GLI2: variants seen among roughly 807,000 people sequenced by gnomAD.
GLI2 encodes transcription activator GLI2.
GLI2 carries 22 observed loss-of-function variants against 78.9 expected under a neutral mutation model. That is an observed-to-expected ratio of 0.28 (90% CI 0.20 to 0.40). The LOEUF (loss-of-function observed/expected upper bound fraction) is 0.40, where lower values mean the gene tolerates loss of function less well. Among genes scored for constraint, GLI2 ranks in the 10% least tolerant of loss-of-function variants. GLI2 has a pLI of 1.00. For synonymous variants in GLI2, 974 were observed against 963.7 expected (o/e 1.01, Z -0.20); for missense variants, 2,097 against 2,213.2 (o/e 0.95, Z 1.05).
rs1325113064 is a variant in GLI2 at position 120,834,915 on chromosome 2, C to CAGA, written c.148+37447_148+37448insAGA. 2.5e-4 allele frequency among the ~76,000 whole-genome samples: 38 copies of CAGA among 152,208 alleles called. 1 individual carries two copies. The East Asian group carries it at 5.8e-3, about 23-fold the overall frequency. On this transcript the variant is annotated intron_variant, in intron 2 of 13. Coordinates refer to ENST00000361492, the MANE Select transcript of GLI2 (RefSeq NM_001374353.1). ...TGTGGCATTTCAGGGGCTCTGCACC[C>CAGA]CATGTTCTCTGGGCTAAACCCACAT...
At chr2:120,912,531 G>A (rs715092) in intron 2 of GLI2, among the ~76,000 whole-genome samples, 38,396 of 151,970 alleles carry the variant, frequency 0.25, 5,058 homozygotes, top group South Asian at 0.45. Flanking sequence ...GTTTCCATGC[G>A]CCACAGTGGT....
intron 3 of GLI2, among the ~76,000 whole-genome samples, chr2:120,932,175 TTC>T (rs1167285535): frequency 2.0e-5 from 3 of 152,222 alleles, no homozygotes; most frequent in African/African-American, 7.2e-5. Flanking sequence ...TGTAGCTCGC[TTC>T]TCCCTGCCAG....
intron 1 of GLI2, among the ~76,000 whole-genome samples, chr2:120,781,744 G>C (rs889343303): frequency 7.9e-5 from 12 of 152,130 alleles, no homozygotes; most frequent in African/African-American, 2.9e-4. Flanking sequence ...TTAGCTGAGT[G>C]TGGTGGTGCA....
At chr2:120,830,501 T>C (rs1464555588) in intron 2 of GLI2, among the ~76,000 whole-genome samples, 1 of 152,222 alleles carries the variant, frequency 6.6e-6, no homozygotes, top group Non-Finnish European at 1.5e-5. Flanking sequence ...CACACAGACA[T>C]ACACGGATGC....
chr2:120,937,549 C>T (rs10198344), intron 3 of GLI2, among the ~76,000 whole-genome samples: 5,360 of 152,234 alleles, frequency 0.035, 115 homozygotes, highest in Middle Eastern at 0.065. Flanking sequence ...CGCTTATCAG[C>T]GGGGACGCAT....
At chr2:120,912,279 T>C (rs1678861816) in intron 2 of GLI2, among the ~76,000 whole-genome samples, 1 of 151,950 alleles carries the variant, frequency 6.6e-6, no homozygotes, top group Non-Finnish European at 1.5e-5. Context: ...AAGAGGTTTT[T>C]TTTTTTTTTT....
At chr2:120,896,696 TAC>T (rs70954513) in intron 2 of GLI2, among the ~76,000 whole-genome samples, 9,600 of 128,516 alleles carry the variant, frequency 0.075, 355 homozygotes, top group Non-Finnish European at 0.093. Flanking sequence ...CACACACCCA[TAC>T]ACACACACAC....
At chr2:120,941,707 G>A (rs76089418) in intron 3 of GLI2, among the ~76,000 whole-genome samples, 3,823 of 152,334 alleles carry the variant, frequency 0.025, 174 homozygotes, top group African/African-American at 0.088. Flanking sequence ...CAGCAAAAAG[G>A]TCCCAGTGTC....
At chr2:120,835,818 G>A (rs1686585249) in intron 2 of GLI2, among the ~76,000 whole-genome samples, 1 of 152,122 alleles carries the variant, frequency 6.6e-6, no homozygotes, top group Non-Finnish European at 1.5e-5. Flanking sequence ...ATGTGTGTGT[G>A]TGTATACATA....
chr2:120,739,646 G>A (rs2104618653), intron 1 of GLI2, among the ~76,000 whole-genome samples: 1 of 152,346 alleles, frequency 6.6e-6, no homozygotes, highest in South Asian at 2.1e-4. Flanking sequence ...ACCTCGCTGT[G>A]GACAGCTGCA....
At chr2:120,881,414 G>C (rs1343529248) in intron 2 of GLI2, among the ~76,000 whole-genome samples, 7 of 116,022 alleles carry the variant, frequency 6.0e-5, no homozygotes, top group Non-Finnish European at 9.2e-5. Context: ...GACAGGTGAG[G>C]GGAGGACAGG....
rs1683198213 is a variant in GLI2, at chr2:120,989,800, G to C, written c.3835G>C (p.Gly1279Arg). The C allele has an allele frequency of 6.2e-7, 1 of 1,610,676 alleles. No homozygotes were observed. The highest frequency in any genetic ancestry group is 1.1e-5 in the South Asian group (1 of 90,832). ...TEVAPDPTTMGNRHRELGVPD... is the reference protein window; with the variant it reads ...TEVAPDPTTMRNRHRELGVPD... The stretch of plus-strand genomic sequence containing the variant: ...AGTGGCACCTGACCCCACCACGATG[G>C]GCAATCGCCACAGGGAACTTGGGGT... Residue 1279 changes from glycine to arginine, a missense_variant, in exon 14 of 14, where the codon GGC becomes CGC. Gly to Arg is a moderately radical substitution (Grantham distance 125, BLOSUM62 -2). Coordinates refer to ENST00000361492, the MANE Select transcript of GLI2 (RefSeq NM_001374353.1).
chr2:120,739,569 G>A (rs1327239940), intron 1 of GLI2, among the ~76,000 whole-genome samples: 1 of 152,234 alleles, frequency 6.6e-6, no homozygotes, highest in African/African-American at 2.4e-5. Flanking sequence ...GCTGTGGGGA[G>A]GAGAAAGGGG....
At chr2:120,887,448 A>G (rs1677467498) in intron 2 of GLI2, among the ~76,000 whole-genome samples, 1 of 152,260 alleles carries the variant, frequency 6.6e-6, no homozygotes, top group African/African-American at 2.4e-5. Context: ...CTTGTAATCA[A>G]CAGCAGAGAG....
intron 2 of GLI2, among the ~76,000 whole-genome samples, chr2:120,816,252 G>A (rs2167894): frequency 0.06 from 8,807 of 147,052 alleles, 410 homozygotes; most frequent in Middle Eastern, 0.16. Context: ...GTGCAGTGCA[G>A]TGGTGCGATC....
At chr2:120,798,820 C>G (rs1235043625) in intron 2 of GLI2, among the ~76,000 whole-genome samples, 3 of 152,188 alleles carry the variant, frequency 2.0e-5, no homozygotes, top group Non-Finnish European at 2.9e-5. Context: ...TCTTTTCCTT[C>G]CCCTGGGTCA....
At chr2:120,947,986 C>T (rs1558905826) in intron 3 of GLI2, among the ~76,000 whole-genome samples, 1 of 152,234 alleles carries the variant, frequency 6.6e-6, no homozygotes, top group African/African-American at 2.4e-5. Context: ...TGTCTCTCCA[C>T]TGCCCCTGAT....
chr2:120,943,010 C>T (rs1403247217), intron 3 of GLI2, among the ~76,000 whole-genome samples: 3 of 152,264 alleles, frequency 2.0e-5, no homozygotes, highest in Middle Eastern at 3.4e-3. Flanking sequence ...TCAGCACACA[C>T]GTATTTGAGC....
intron 3 of GLI2, among the ~76,000 whole-genome samples, chr2:120,943,567 G>A (rs992364977): frequency 6.6e-5 from 10 of 152,190 alleles, no homozygotes; most frequent in African/African-American, 1.7e-4. Context: ...GGGGGCATCC[G>A]GGTGCCTGTG....
Sources: allele counts gnomAD v4.1 joint callset (sites outside exome capture counted in the v4.1 genomes callset), GRCh38; gene constraint gnomAD v4.1.1; transcripts MANE v1.5; gene names NCBI Gene and HGNC (gene_info 2026-07-23, HGNC 2026-07-21).